SH3PXD2B: variants seen among roughly 807,000 people sequenced by gnomAD.
SH3PXD2B encodes SH3 and PX domains 2B.
Under a neutral mutation model 73.1 loss-of-function variants are expected in SH3PXD2B, and 37 were observed. That is an observed-to-expected ratio of 0.51 (90% CI 0.39 to 0.67). The LOEUF (loss-of-function observed/expected upper bound fraction) is 0.67, where lower values mean the gene tolerates loss of function less well. Among genes scored for constraint, SH3PXD2B ranks in the 30% least tolerant of loss-of-function variants. The probability of loss-of-function intolerance (pLI) is 0.00; values close to 1 mark genes in which losing one functional copy is unlikely to be tolerated. For synonymous variants in SH3PXD2B, 457 were observed against 480.5 expected, an observed-to-expected ratio of 0.95 and a Z score of 0.64; for missense variants, 1,053 against 1,197.8, an observed-to-expected ratio of 0.88 and a Z score of 1.78.
intron 6 of SH3PXD2B, among the ~76,000 whole-genome samples, chr5:172,365,613 T>C (rs1198244515): frequency 6.6e-6 from 1 of 152,154 alleles, no homozygotes; most frequent in Non-Finnish European, 1.5e-5. Context: ...CAGGGCCGAC[T>C]TTTTCTAGAC....
intron 8 of SH3PXD2B, among the ~76,000 whole-genome samples, chr5:172,356,952 A>G (rs1369497166): frequency 6.6e-6 from 1 of 152,020 alleles, no homozygotes. Flanking sequence ...TTAACCGTGA[A>G]CTTGGGTGAA....
intron 1 of SH3PXD2B, among the ~76,000 whole-genome samples, chr5:172,453,719 T>C (rs1158355849): frequency 6.6e-6 from 1 of 152,130 alleles, no homozygotes; most frequent in Admixed American, 6.5e-5. Context: ...AGGGGATGTT[T>C]TTAACCCTTT....
At chr5:172,357,695 C>T (rs1428524267) in intron 8 of SH3PXD2B, among the ~76,000 whole-genome samples, 1 of 152,284 alleles carries the variant, frequency 6.6e-6, no homozygotes, top group East Asian at 1.9e-4. Flanking sequence ...GATGGTAACC[C>T]TGTGTTACCC....
intron 4 of SH3PXD2B, among the ~76,000 whole-genome samples, chr5:172,393,534 C>G (rs528672715): frequency 6.6e-6 from 1 of 152,236 alleles, no homozygotes; most frequent in East Asian, 1.9e-4. Flanking sequence ...ATCTGGATGG[C>G]TTTTCTTTCT....
At chr5:172,357,049 T>C (rs1179398541) in intron 8 of SH3PXD2B, among the ~76,000 whole-genome samples, 1 of 144,106 alleles carries the variant, frequency 6.9e-6, no homozygotes, top group Admixed American at 7.4e-5. Flanking sequence ...AGCCCAGGAA[T>C]TCAAGGCTGC....
At chr5:172,415,839 G>A (rs963894869) in intron 2 of SH3PXD2B, among the ~76,000 whole-genome samples, 34 of 152,278 alleles carry the variant, frequency 2.2e-4, no homozygotes, top group African/African-American at 4.1e-4. Flanking sequence ...TCCCAAGGCC[G>A]CACAGCTGGT....
rs756764365 is a variant in SH3PXD2B, at chr5:172,394,647, AG to A, written c.233-9del. On this transcript the variant is annotated splice_polypyrimidine_tract_variant and intron_variant, in intron 3 of 12. Coordinates refer to ENST00000311601, the MANE Select transcript of SH3PXD2B (RefSeq NM_001017995.3). ...GTCTGAAGAGAATCTTACCTGCAGA[AG>A]ATGAGAGCAAAGACAGTGTTGTCAG... 1.2e-6 allele frequency: 2 copies of A among 1,613,866 alleles called. No individual in the cohort carries two copies. The highest frequency in any genetic ancestry group is 4.5e-5 in the East Asian group (2 of 44,874).
chr5:172,325,245 T>C (rs1458804901), exon 13 of SH3PXD2B: 3 of 1,463,974 alleles, frequency 2.0e-6, no homozygotes, highest in Middle Eastern at 1.7e-4. Flanking sequence ...AGCAAATTCA[T>C]GTTCACAGCA....
At chr5:172,410,725 T>C (rs1174127176) in intron 2 of SH3PXD2B, among the ~76,000 whole-genome samples, 1 of 152,248 alleles carries the variant, frequency 6.6e-6, no homozygotes, top group Non-Finnish European at 1.5e-5. Context: ...TTCACATTAC[T>C]AATACTAAAT....
intron 2 of SH3PXD2B, among the ~76,000 whole-genome samples, chr5:172,409,337 G>C (rs890851551): frequency 6.6e-6 from 1 of 150,626 alleles, no homozygotes. Flanking sequence ...AGCCGAGACC[G>C]CGCCATTGCA....
rs1213676966 is a variant in SH3PXD2B at position 172,366,953 on chromosome 5, TG to T, written c.428-4085del. ...GGCCATTTTTTTTTTTTTTTTTTTT[TG>T]GGGACAGAGTCTTGCCCCATCGCCC... is the stretch of plus-strand genomic sequence containing the variant. On this transcript the variant is annotated intron_variant, in intron 6 of 12. Coordinates refer to ENST00000311601, the MANE Select transcript of SH3PXD2B (RefSeq NM_001017995.3). 8.3e-4 allele frequency among the ~76,000 whole-genome samples: 103 copies of T among 123,466 alleles called. 1 individual carries two copies. Among genetic ancestry groups the T allele is most frequent in the Middle Eastern group, 4.1e-3 (1 of 242 alleles). The allele number at this position is 123,466 out of a possible 152,430, so 81.0% of individuals were successfully genotyped here.
At chr5:172,408,534 C>CTTTTTTTTTTTTTTTTTT (rs34377327) in intron 2 of SH3PXD2B, among the ~76,000 whole-genome samples, 1 of 92,670 alleles carries the variant, frequency 1.1e-5, no homozygotes, top group Non-Finnish European at 1.9e-5. Context: ...TGGGTTATCA[C>CTTTTTTTTTTTTTTTTTT]TTTTTTTTTT....
At chr5:172,434,782 G>T (rs1003854896) in intron 1 of SH3PXD2B, among the ~76,000 whole-genome samples, 16 of 66,336 alleles carry the variant, frequency 2.4e-4, no homozygotes, top group Non-Finnish European at 4.9e-4. Context: ...ATGGCCAATG[G>T]TTTTTTTTTT....
chr5:172,368,482 A>T (rs1213912635), intron 6 of SH3PXD2B, among the ~76,000 whole-genome samples: 1 of 16,722 alleles, frequency 6.0e-5, no homozygotes, highest in African/African-American at 3.0e-4. Flanking sequence ...ATATATATAT[A>T]AAATATATAT....
chr5:172,351,644 G>C (rs1312177263), intron 9 of SH3PXD2B, among the ~76,000 whole-genome samples: 1 of 152,102 alleles, frequency 6.6e-6, no homozygotes, highest in African/African-American at 2.4e-5. Flanking sequence ...TTGGAGAGCT[G>C]GTTGTTAAAC....
chr5:172,335,062 A>G lies in SH3PXD2B; in HGVS notation c.*3307T>C. 1.0e-6 allele frequency: 1 copy of G among 985,436 alleles called. No individual in the cohort carries two copies. Among genetic ancestry groups the G allele is most frequent in the African/African-American group, 1.7e-5 (1 of 57,332 alleles). The allele number at this position is 985,436 out of a possible 1,614,324, so 61.0% of individuals were successfully genotyped here. Reference sequence around the variant, plus strand: ...CGCAGTCTCAGCTGGGACGACATACACCCACCAATGGCAAAGAAAGATTCC... The same window carrying G: ...CGCAGTCTCAGCTGGGACGACATACGCCCACCAATGGCAAAGAAAGATTCC... On this transcript the variant is annotated 3_prime_UTR_variant, in exon 13 of 13. Transcript: ENST00000311601.
intron 6 of SH3PXD2B, among the ~76,000 whole-genome samples, chr5:172,368,639 GTTATATATATAAAATATATATA>G (rs1757617251): frequency 2.2e-4 from 2 of 9,264 alleles, no homozygotes; most frequent in African/African-American, 8.4e-4. Context: ...TAATATATAT[GTTATATATATAAAATATATATA>G]TTATATATAT....
At chr5:172,360,595 G>A (rs1411246643) in intron 7 of SH3PXD2B, among the ~76,000 whole-genome samples, 1 of 152,222 alleles carries the variant, frequency 6.6e-6, no homozygotes, top group African/African-American at 2.4e-5. Flanking sequence ...AGTTTGGGAG[G>A]CTGAGGCGAG....
In SH3PXD2B at chr5:172,443,739, C is replaced by T. The variant is rs545096591; in HGVS notation, c.75+10539G>A. Among the ~76,000 whole-genome samples the T allele has an allele frequency of 5.9e-5, 9 of 152,370 alleles. No individual in the cohort carries two copies. In the South Asian group the frequency reaches 1.0e-3, roughly 18 times the overall value. On this transcript the variant is annotated intron_variant, in intron 1 of 12. Transcript: ENST00000311601. Reference sequence around the variant, plus strand: ...TTGGCTGAGGAGGAGGAAATGGTGACGCCAACGCGTGGGTTCTAGCTTTCT... The same window carrying T: ...TTGGCTGAGGAGGAGGAAATGGTGATGCCAACGCGTGGGTTCTAGCTTTCT...
Sources: gnomAD v4.1 joint callset for allele counts (sites outside exome capture counted in the v4.1 genomes callset) on GRCh38, gnomAD v4.1.1 for gene constraint, MANE v1.5 for transcripts, NCBI Gene and HGNC (gene_info 2026-07-23, HGNC 2026-07-21) for gene names.